Variants in CACNA1D observed in about 807,000 individuals in gnomAD.
CACNA1D encodes the protein voltage-dependent L-type calcium channel subunit alpha-1D.
A neutral mutation model predicts 257.1 loss-of-function variants in CACNA1D; 55 were observed. That is an observed-to-expected ratio of 0.21 (90% CI 0.17 to 0.27). The LOEUF (loss-of-function observed/expected upper bound fraction) is 0.27. CACNA1D is among the 10% of genes least tolerant of loss of function. CACNA1D has a pLI of 1.00. For missense variants in CACNA1D, 1,876 were observed against 2,784.0 expected (o/e 0.67, Z 7.34); for synonymous variants, 980 against 1,014.9 (o/e 0.97, Z 0.65).
chr3:53,804,428 C>G (rs547079568), intron 44 of CACNA1D, among the ~76,000 whole-genome samples: 8 of 152,342 alleles, frequency 5.3e-5, no homozygotes, highest in Middle Eastern at 3.4e-3. Flanking sequence ...CCTCATCCCC[C>G]CTGTCGAGGG....
At chr3:53,538,417 A>T (rs551937612) in intron 3 of CACNA1D, among the ~76,000 whole-genome samples, 1 of 152,216 alleles carries the variant, frequency 6.6e-6, no homozygotes, top group East Asian at 1.9e-4. Context: ...TCGGCCTCCC[A>T]AAGTGCTGGG....
intron 3 of CACNA1D, among the ~76,000 whole-genome samples, chr3:53,504,767 T>G (rs1306259592): frequency 1.1e-4 from 16 of 152,188 alleles, no homozygotes; most frequent in Admixed American, 1.0e-3. Flanking sequence ...AATATCATAC[T>G]TCACTGTGAT....
At chr3:53,757,861 C>A (rs2095275201) in intron 29 of CACNA1D, among the ~76,000 whole-genome samples, 1 of 152,220 alleles carries the variant, frequency 6.6e-6, no homozygotes, top group Non-Finnish European at 1.5e-5. Context: ...CCAGCCAGAG[C>A]CAGCCCTGTC....
chr3:53,542,601 T>TAAATAAAC (rs1559815433), intron 3 of CACNA1D, among the ~76,000 whole-genome samples: 3 of 150,228 alleles, frequency 2.0e-5, no homozygotes, highest in African/African-American at 7.4e-5. Context: ...AATAAATAAA[T>TAAATAAAC]AAACAAATAA....
intron 3 of CACNA1D, among the ~76,000 whole-genome samples, chr3:53,615,678 A>G (rs1212318515): frequency 6.6e-6 from 1 of 152,204 alleles, no homozygotes; most frequent in Non-Finnish European, 1.5e-5. Context: ...CTGGACCCAC[A>G]TATTGTAGCT....
At chr3:53,658,217 T>C (rs1414512903) in intron 4 of CACNA1D, among the ~76,000 whole-genome samples, 1 of 150,162 alleles carries the variant, frequency 6.7e-6, no homozygotes, top group East Asian at 2.0e-4. Context: ...AGAGGCGTGG[T>C]GGTGAGGAAC....
chr3:53,770,145 G>T, intron 31 of CACNA1D, 128 bp downstream of exon 31: 1 of 856,870 alleles, frequency 1.2e-6, no homozygotes, highest in Non-Finnish European at 2.0e-6. Context: ...GCAGTGGTTT[G>T]CATTCATCAT....
Position 53,800,692 on chromosome 3 carries a change from G to A in CACNA1D, c.5040+327G>A. 2.0e-6 allele frequency: 1 copy of A among 492,400 alleles called. No individual in the cohort carries two copies. Among genetic ancestry groups the A allele is most frequent in the Non-Finnish European group, 3.7e-6 (1 of 269,746 alleles). The allele number at this position is 492,400 out of a possible 1,614,324, so 30.5% of individuals were successfully genotyped here. A position where few individuals can be genotyped will look rare whatever the true frequency, so the allele number is the denominator to read the frequency against. ...CCTTTGCTACCCTCCTCCTTCCCGGGCCAGCTCTTTGATCTGCCAGCTGGC... is the reference window on the plus strand; with the variant it reads ...CCTTTGCTACCCTCCTCCTTCCCGGACCAGCTCTTTGATCTGCCAGCTGGC... On this transcript the variant is annotated intron_variant, in intron 41 of 47. Coordinates refer to ENST00000350061, the MANE Select transcript of CACNA1D (RefSeq NM_001128840.3). This position sits in a 1 kb window ranked among gnomAD's most constrained non-coding sequence, Gnocchi z 4.3.
At chr3:53,752,525 G>A (rs905114873) in intron 28 of CACNA1D, among the ~76,000 whole-genome samples, 1 of 152,152 alleles carries the variant, frequency 6.6e-6, no homozygotes, top group African/African-American at 2.4e-5. Flanking sequence ...TCAGCATTCT[G>A]AGTAGCTACG....
At chr3:53,768,584 A>T (rs569527782) in intron 30 of CACNA1D, among the ~76,000 whole-genome samples, 9 of 152,234 alleles carry the variant, frequency 5.9e-5, no homozygotes, top group Non-Finnish European at 1.3e-4. Context: ...AAAAATAGCA[A>T]TCCTGGGTTT....
At chr3:53,744,705 A>G (rs757750872) in intron 22 of CACNA1D, 35 bp from the exon 23 acceptor site, 1 of 1,134,714 alleles carries the variant, frequency 8.8e-7, no homozygotes, top group Admixed American at 1.7e-5. Context: ...CATTTATAAC[A>G]CGCTCTGCCT....
In CACNA1D at chr3:53,509,950, T is replaced by C. The variant is rs147857884; in HGVS notation, c.483+8230T>C. Among the ~76,000 whole-genome samples the C allele has an allele frequency of 1.8e-3, 280 of 152,346 alleles. 2 individuals carry two copies. The highest frequency in any genetic ancestry group is 6.3e-3 in the African/African-American group (260 of 41,584). On this transcript the variant is annotated intron_variant, in intron 3 of 47. Coordinates refer to ENST00000350061, the MANE Select transcript of CACNA1D (RefSeq NM_001128840.3). ...AACAAATATTGATTGAGACCTCCTG[T>C]GCAGAGCACAGCAGCCCTGTGTTTC... is the stretch of plus-strand genomic sequence containing the variant.
intron 20 of CACNA1D, among the ~76,000 whole-genome samples, chr3:53,736,604 T>C (rs1392231698): frequency 6.6e-6 from 1 of 152,130 alleles, no homozygotes; most frequent in Non-Finnish European, 1.5e-5. Context: ...CAAAGAGTTA[T>C]TAATTGGCTG....
At chr3:53,618,536 T>G in intron 3 of CACNA1D, among the ~76,000 whole-genome samples, 1 of 152,274 alleles carries the variant, frequency 6.6e-6, no homozygotes, top group Non-Finnish European at 1.5e-5. Flanking sequence ...CTTTAGATCC[T>G]GAGAGCCCCA....
intron 2 of CACNA1D, among the ~76,000 whole-genome samples, chr3:53,499,629 A>G (rs1422745473): frequency 2.6e-5 from 4 of 152,156 alleles, no homozygotes; most frequent in Non-Finnish European, 2.9e-5. Context: ...CTGGACCAAC[A>G]TAAAGAAAAA....
intron 42 of CACNA1D, 44 bp from the exon 43 acceptor site, chr3:53,802,103 T>G: frequency 6.5e-7 from 1 of 1,548,012 alleles, no homozygotes; most frequent in Non-Finnish European, 8.9e-7. Context: ...GGAAATTAAC[T>G]TTTATCTTCT....
chr3:53,644,105 G>A (rs1289787334), intron 3 of CACNA1D, among the ~76,000 whole-genome samples: 1 of 152,160 alleles, frequency 6.6e-6, no homozygotes, highest in Non-Finnish European at 1.5e-5. Context: ...CAGGCCTTGG[G>A]AATGCAATGA....
intron 3 of CACNA1D, among the ~76,000 whole-genome samples, chr3:53,561,715 T>G (rs534448641): frequency 6.6e-6 from 1 of 152,370 alleles, no homozygotes; most frequent in South Asian, 2.1e-4. Context: ...ATTGCCACTT[T>G]CTTTGAACCC....
At chr3:53,753,865 G>C (rs551154240) in intron 29 of CACNA1D, among the ~76,000 whole-genome samples, 183 bp downstream of exon 29, 1 of 152,324 alleles carries the variant, frequency 6.6e-6, no homozygotes, top group Non-Finnish European at 1.5e-5. Context: ...GAATCTGCAA[G>C]AACAAAACCT....
Sources: allele counts gnomAD v4.1 joint callset (sites outside exome capture counted in the v4.1 genomes callset), GRCh38; gene constraint gnomAD v4.1.1; non-coding constraint Gnocchi (gnomAD v3.1); transcripts MANE v1.5; gene names NCBI Gene and HGNC (gene_info 2026-07-23, HGNC 2026-07-21).